ANXA2: variants seen among roughly 807,000 people sequenced by gnomAD.
ANXA2 encodes the protein annexin A2.
Under a neutral mutation model 47.3 loss-of-function variants are expected in ANXA2, and 28 were observed. The observed-to-expected ratio is 0.59, with a 90% confidence interval of 0.44 to 0.81. ANXA2 has a LOEUF of 0.81. ANXA2 is among the 40% of genes least tolerant of loss of function. The pLI is 0.00. For missense variants in ANXA2, 384 were observed against 414.3 expected (o/e 0.93, Z 0.64); for synonymous variants, 172 against 155.5 (o/e 1.11, Z -0.79).
intron 11 of ANXA2, 59 bp downstream of exon 11, chr15:60,351,134 G>C: frequency 6.4e-7 from 1 of 1,571,914 alleles, no homozygotes; most frequent in African/African-American, 1.3e-5. Flanking sequence ...CTCAATTTGG[G>C]ACCCAAAAGA....
intron 1 of ANXA2, among the ~76,000 whole-genome samples, chr15:60,387,917 C>A (rs1014652186): frequency 6.6e-6 from 1 of 152,086 alleles, no homozygotes; most frequent in African/African-American, 2.4e-5. Flanking sequence ...CGGCCGGGTG[C>A]GGTGGCTCAC....
intron 5 of ANXA2, 48 bp from the exon 6 acceptor site, chr15:60,357,284 A>G (rs1273010731): frequency 6.7e-7 from 1 of 1,481,958 alleles, no homozygotes; most frequent in Non-Finnish European, 9.4e-7. Flanking sequence ...CTTCCCCACC[A>G]TTAGCCTACT....
At chr15:60,378,431 TTTAC>T (rs1340995806) in intron 3 of ANXA2, among the ~76,000 whole-genome samples, 1 of 152,240 alleles carries the variant, frequency 6.6e-6, no homozygotes, top group Non-Finnish European at 1.5e-5. Flanking sequence ...GTTTTACTTA[TTTAC>T]TTAATGATTA....
intron 3 of ANXA2, 106 bp from the exon 4 acceptor site, chr15:60,364,629 T>C (rs931296659): frequency 1.3e-6 from 1 of 767,238 alleles, no homozygotes; most frequent in African/African-American, 1.8e-5. Flanking sequence ...ATATACTGTT[T>C]TCCAAACTGA....
intron 1 of ANXA2, among the ~76,000 whole-genome samples, chr15:60,395,126 G>A (rs2063064316): frequency 1.3e-5 from 2 of 152,138 alleles, no homozygotes; most frequent in South Asian, 4.1e-4. Flanking sequence ...TGGAACAGCT[G>A]GATTAAAGGG....
chr15:60,383,990 C>T (rs2062899891), intron 2 of ANXA2: 2 of 152,192 alleles, frequency 1.3e-5, no homozygotes, highest in African/African-American at 4.8e-5. Context: ...CTTGTGAGGA[C>T]TATCTTGGCC....
intron 3 of ANXA2, among the ~76,000 whole-genome samples, chr15:60,370,232 T>C (rs2062693970): frequency 6.6e-6 from 1 of 152,168 alleles, no homozygotes; most frequent in Admixed American, 6.5e-5. Flanking sequence ...CTAATGCCAC[T>C]AACTACAAAG....
intron 3 of ANXA2, among the ~76,000 whole-genome samples, chr15:60,371,753 A>T (rs766468041): frequency 2.0e-5 from 3 of 152,266 alleles, no homozygotes; most frequent in Non-Finnish European, 4.4e-5. Flanking sequence ...AAAGCTGAGA[A>T]GAAATCATCT....
Position 60,357,246 on chromosome 15 carries a change from A to G in ANXA2, c.358-10T>C. ...CGTCGGTTCCCAGCCCCTGTGAACC[A>G]GGAAGCACGAACATCAGCAGGGAAA... On this transcript the variant is annotated splice_polypyrimidine_tract_variant and intron_variant, in intron 5 of 12. Coordinates refer to ENST00000451270, the MANE Select transcript of ANXA2 (RefSeq NM_004039.3). The G allele has an allele frequency of 1.2e-6, 2 of 1,612,382 alleles. No individual in the cohort carries two copies. The highest frequency in any genetic ancestry group is 1.1e-5 in the South Asian group (1 of 91,038).
At chr15:60,350,123 G>GAGGAAAAAA (rs1566928456) in intron 11 of ANXA2, among the ~76,000 whole-genome samples, 2 of 55,162 alleles carry the variant, frequency 3.6e-5, no homozygotes, top group Non-Finnish European at 3.9e-5. Flanking sequence ...GGGAGGGAGG[G>GAGGAAAAAA]GAAGGCAGGG....
chr15:60,362,653 C>T (rs988165032), intron 4 of ANXA2: 1 of 152,114 alleles, frequency 6.6e-6, no homozygotes, highest in Non-Finnish European at 1.5e-5. Context: ...CACAAACAGC[C>T]GATTGTTTCA....
intron 4 of ANXA2, 137 bp from the exon 5 acceptor site, chr15:60,361,191 T>C (rs1411561800): frequency 1.5e-6 from 1 of 659,974 alleles, no homozygotes; most frequent in East Asian, 2.7e-5. Context: ...TCAAACGCCC[T>C]CAACTGCATT....
chr15:60,361,512 T>C (rs2062513848), intron 4 of ANXA2: 1 of 162,340 alleles, frequency 6.2e-6, no homozygotes, highest in South Asian at 1.7e-4. Flanking sequence ...GGGCAGCCAT[T>C]CCAGCGGCAG....
In ANXA2 at chr15:60,347,373, CAGTA is replaced by C. The variant is rs1306153936; in HGVS notation, c.*253_*256del. ...TCAGTTTATTCATCTGTTTATGACACAGTACACAGGAGGCAAAGTGTTTCACATC... is the reference window on the plus strand; with the variant it reads ...TCAGTTTATTCATCTGTTTATGACACCACAGGAGGCAAAGTGTTTCACATC... On this transcript the variant is annotated 3_prime_UTR_variant, in exon 13 of 13. Transcript: ENST00000451270. 12 of 541,634 alleles carry C rather than the reference CAGTA, an allele frequency of 2.2e-5. No homozygotes were observed. Among genetic ancestry groups the C allele is most frequent in the East Asian group, 1.2e-4 (4 of 33,400 alleles). 33.6% of individuals were successfully genotyped at this position (541,634 alleles called of 1,614,324 possible).
At chr15:60,377,714 C>A (rs555714552) in intron 3 of ANXA2, among the ~76,000 whole-genome samples, 76 of 152,280 alleles carry the variant, frequency 5.0e-4, no homozygotes, top group African/African-American at 1.7e-3. Context: ...AATATCTACA[C>A]AGTGCAGTAA....
At chr15:60,378,271 A>G (rs1183910838) in intron 3 of ANXA2, among the ~76,000 whole-genome samples, 1 of 152,198 alleles carries the variant, frequency 6.6e-6, no homozygotes, top group Non-Finnish European at 1.5e-5. Context: ...AAACACACTG[A>G]AATGTACACT....
rs185805576 is a variant in ANXA2 at position 60,374,156 on chromosome 15, G to C, written c.148+8186C>G. ...ATTCTGCTTTGATCTCACTTCAGCT[G>C]AGTTCCTTAGAAAGGATTTAAGGTA... On this transcript the variant is annotated intron_variant, in intron 3 of 12. Transcript: ENST00000451270. Among the ~76,000 whole-genome samples the C allele has an allele frequency of 2.0e-4, 31 of 152,306 alleles. No individual in the cohort carries two copies. In the East Asian group the frequency reaches 5.8e-3, roughly 28 times the overall value.
intron 1 of ANXA2, chr15:60,393,103 CA>C: frequency 7.8e-7 from 1 of 1,286,936 alleles, no homozygotes; most frequent in South Asian, 1.2e-5. Flanking sequence ...GTCACAGGGC[CA>C]ACTCATTCCC....
At chr15:60,393,469 C>T (rs12911320) in intron 1 of ANXA2, 128,513 of 1,001,738 alleles carry the variant, frequency 0.13, 8,538 homozygotes, top group Middle Eastern at 0.17. Context: ...TGTCAGCATT[C>T]AAGACCTTCC....
Sources: allele counts gnomAD v4.1 joint callset (sites outside exome capture counted in the v4.1 genomes callset), GRCh38; gene constraint gnomAD v4.1.1; transcripts MANE v1.5; gene names NCBI Gene and HGNC (gene_info 2026-07-23, HGNC 2026-07-21).